Variants in PLEKHG1 observed in about 807,000 individuals in gnomAD.
The protein encoded by PLEKHG1 is pleckstrin homology and RhoGEF domain containing G1, also known as pleckstrin homology domain-containing family G member 1.
PLEKHG1 carries 44 observed loss-of-function variants against 100.8 expected under a neutral mutation model. That is an observed-to-expected ratio of 0.44 (90% CI 0.34 to 0.56). The LOEUF (loss-of-function observed/expected upper bound fraction) is 0.56. PLEKHG1 is among the 20% of genes least tolerant of loss of function. The pLI, the probability that PLEKHG1 is intolerant of heterozygous loss-of-function variation, is 0.01. For missense variants in PLEKHG1, 1,545 were observed against 1,720.9 expected (o/e 0.90, Z 1.81); for synonymous variants, 640 against 662.5 (o/e 0.97, Z 0.52).
intron 3 of PLEKHG1, among the ~76,000 whole-genome samples, chr6:150,661,456 G>T (rs1199450111): frequency 6.6e-6 from 1 of 152,154 alleles, no homozygotes; most frequent in Non-Finnish European, 1.5e-5. Context: ...AAACATTTTG[G>T]AGTGGATTCT....
chr6:150,800,643 C>T (rs187980564), intron 5 of PLEKHG1, 76 bp from the exon 7 acceptor site: 1 of 1,387,220 alleles, frequency 7.2e-7, no homozygotes, highest in Non-Finnish European at 1.0e-6. Context: ...GGCATTTACA[C>T]TTGCAATAGC....
intron 5 of PLEKHG1, among the ~76,000 whole-genome samples, 174 bp downstream of exon 6, chr6:150,796,076 G>A (rs549253812): frequency 7.2e-5 from 11 of 152,298 alleles, no homozygotes; most frequent in Middle Eastern, 3.4e-3. Context: ...ATATGGATCC[G>A]TCTGGGCTTT....
intron 2 of PLEKHG1, among the ~76,000 whole-genome samples, chr6:150,649,731 G>C (rs1778639519): frequency 6.6e-6 from 1 of 151,890 alleles, no homozygotes; most frequent in African/African-American, 2.4e-5. Flanking sequence ...ACAAAAAATG[G>C]CCAGGCGCGG....
At chr6:150,699,087 T>C (rs1266172516) in intron 3 of PLEKHG1, among the ~76,000 whole-genome samples, 1 of 152,246 alleles carries the variant, frequency 6.6e-6, no homozygotes, top group Non-Finnish European at 1.5e-5. Flanking sequence ...GAAATCTGAA[T>C]GTACCCTGTG....
At chr6:150,640,408 C>G (rs1373997264) in intron 2 of PLEKHG1, among the ~76,000 whole-genome samples, 1 of 152,234 alleles carries the variant, frequency 6.6e-6, no homozygotes, top group Admixed American at 6.5e-5. Flanking sequence ...CATCATGTTC[C>G]TGCCTTTGTC....
intron 3 of PLEKHG1, among the ~76,000 whole-genome samples, chr6:150,684,886 G>A (rs568678967): frequency 4.4e-4 from 67 of 152,186 alleles, no homozygotes; most frequent in Admixed American, 3.3e-3. Context: ...CAGCAGGTCC[G>A]GTTAAGGAAG....
intron 14 of PLEKHG1, chr6:150,828,258 G>A: frequency 2.5e-6 from 4 of 1,613,552 alleles, no homozygotes; most frequent in East Asian, 2.2e-5. Context: ...AATGGAAACT[G>A]TCTGAATCTG....
At chr6:150,698,159 G>C (rs1412416100) in intron 3 of PLEKHG1, among the ~76,000 whole-genome samples, 2 of 152,166 alleles carry the variant, frequency 1.3e-5, no homozygotes, top group South Asian at 4.1e-4. Flanking sequence ...ATTCATTTAG[G>C]TTTCCTATAT....
At chr6:150,760,088 AT>A (rs374419278) in intron 2 of PLEKHG1, among the ~76,000 whole-genome samples, 251 of 152,228 alleles carry the variant, frequency 1.6e-3, no homozygotes, top group Non-Finnish European at 2.9e-3. Context: ...TATTTTACTG[AT>A]TTTTTTCCCC....
At chr6:150,760,595 A>G (rs149098998) in intron 2 of PLEKHG1, among the ~76,000 whole-genome samples, 1 of 151,208 alleles carries the variant, frequency 6.6e-6, no homozygotes, top group African/African-American at 2.4e-5. Flanking sequence ...TTGTATTTAC[A>G]TGCATTCAAC....
chr6:150,826,150 C>T (rs1306330401), intron 14 of PLEKHG1, among the ~76,000 whole-genome samples: 1 of 151,478 alleles, frequency 6.6e-6, no homozygotes, highest in Non-Finnish European at 1.5e-5. Context: ...CCATTGCACT[C>T]CAGCCTGGGC....
chr6:150,713,614 T>C (rs1781319427), intron 3 of PLEKHG1, among the ~76,000 whole-genome samples: 1 of 152,136 alleles, frequency 6.6e-6, no homozygotes. Flanking sequence ...GAGGGTCAGG[T>C]GTGGGAGTTT....
At chr6:150,622,121 C>T (rs1054720373) in intron 1 of PLEKHG1, among the ~76,000 whole-genome samples, 2 of 152,072 alleles carry the variant, frequency 1.3e-5, no homozygotes, top group South Asian at 2.1e-4. Flanking sequence ...TTATATCAGA[C>T]GGAAGGGAGC....
chr6:150,817,138 G>A (rs1269422953), intron 10 of PLEKHG1, among the ~76,000 whole-genome samples: 5 of 152,216 alleles, frequency 3.3e-5, no homozygotes. Flanking sequence ...TGCCCTAGGA[G>A]AGTGGGTGGA....
intron 3 of PLEKHG1, among the ~76,000 whole-genome samples, chr6:150,654,727 G>A (rs1165520676): frequency 6.6e-6 from 1 of 152,240 alleles, no homozygotes; most frequent in African/African-American, 2.4e-5. Context: ...CCTTGTAACT[G>A]TTTTCCTCGG....
intron 1 of PLEKHG1, among the ~76,000 whole-genome samples, chr6:150,626,289 G>A (rs140765242): frequency 2.8e-4 from 43 of 152,308 alleles, no homozygotes; most frequent in African/African-American, 1.0e-3. Flanking sequence ...CTGTAGATTT[G>A]CCTAAAGAAA....
chr6:150,809,440 C>G (rs1164340806), exon 9 of PLEKHG1: 2 of 1,613,846 alleles, frequency 1.2e-6, no homozygotes, highest in Admixed American at 3.3e-5. Flanking sequence ...TCAGCGTCTT[C>G]CACTACAAGA....
chr6:150,627,566 C>T (rs1393642006), intron 1 of PLEKHG1, among the ~76,000 whole-genome samples: 3 of 152,038 alleles, frequency 2.0e-5, no homozygotes, highest in African/African-American at 7.2e-5. Context: ...ATCTGGTTTT[C>T]TTCTGGGAAA....
At chr6:150,669,798 A>C (rs1181547761) in intron 3 of PLEKHG1, among the ~76,000 whole-genome samples, 2 of 151,956 alleles carry the variant, frequency 1.3e-5, no homozygotes, top group African/African-American at 4.8e-5. Flanking sequence ...GGGTTTCACT[A>C]TGTTGGCCAG....
Sources: allele counts gnomAD v4.1 joint callset (sites outside exome capture counted in the v4.1 genomes callset), GRCh38; gene constraint gnomAD v4.1.1; transcripts MANE v1.5; gene names NCBI Gene and HGNC (gene_info 2026-07-23, HGNC 2026-07-21).